The following TTC21B variants were observed in gnomAD, a reference collection of about 807,000 sequenced individuals.
TTC21B encodes tetratricopeptide repeat protein 21B.
In TTC21B, 127 loss-of-function variants were observed where a neutral mutation model predicts 175.1. That is an observed-to-expected ratio of 0.73 (90% CI 0.63 to 0.84). TTC21B has a LOEUF of 0.84. TTC21B is among the 40% of genes least tolerant of loss of function. The probability of loss-of-function intolerance (pLI) is 0.00; values close to 1 mark genes in which losing one functional copy is unlikely to be tolerated. For synonymous variants in TTC21B, 524 were observed against 524.5 expected, an observed-to-expected ratio of 1.00 and a Z score of 0.01; for missense variants, 1,561 against 1,558.3, an observed-to-expected ratio of 1.00 and a Z score of -0.03.
In TTC21B at chr2:165,884,013, C is replaced by G. The variant is rs777874526; in HGVS notation, c.3465G>C (p.Glu1155Asp). 8 of 1,613,760 alleles carry G rather than the reference C, an allele frequency of 5.0e-6. No individual in the cohort carries two copies. In the African/African-American group the frequency reaches 6.7e-5, roughly 13 times the overall value. Residue 1155 changes from glutamate (E) to aspartate (D), a missense_variant, in exon 26 of 29, where the codon GAG (glutamate) becomes GAC (aspartate). Physicochemically the swap from Glu to Asp is conservative, Grantham distance 45. Transcript: ENST00000243344. The stretch of plus-strand genomic sequence containing the variant: ...CCATTCCCAAGAGCGCTGGGATATG[C>G]TCCTTCTATAAGAAAACAAAATTTT... ...TFTEIAASEKEHIPALLGMAT... is the reference protein window; with the variant it reads ...TFTEIAASEKDHIPALLGMAT...
At chr2:165,946,212 A>G (rs940319424) in intron 3 of TTC21B, among the ~76,000 whole-genome samples, 3 of 151,084 alleles carry the variant, frequency 2.0e-5, no homozygotes, top group Non-Finnish European at 2.9e-5. Context: ...GATAGCGTGC[A>G]CCTGTAGTCC....
At chr2:165,879,049 C>T (rs553316478) in intron 27 of TTC21B, among the ~76,000 whole-genome samples, 28 of 152,156 alleles carry the variant, frequency 1.8e-4, no homozygotes, top group African/African-American at 6.3e-4. Context: ...TGGCCAGGCA[C>T]ATTGAGGGTG....
chr2:165,953,678 C>G lies in TTC21B; in HGVS notation c.21+7G>C. 1 of 1,548,592 alleles carries G rather than the reference C, an allele frequency of 6.5e-7. No homozygotes were observed. The highest frequency in any genetic ancestry group is 8.7e-7 in the Non-Finnish European group (1 of 1,146,596). On this transcript the variant is annotated splice_region_variant and intron_variant, in intron 1 of 28. Transcript: ENST00000243344. ...CCGCTCACCCGCTCACCCGCTCACC[C>G]GCTCACCTTCAATTCCTGCGAGTCC...
Position 165,900,889 on chromosome 2 carries a change from GTTC to G in TTC21B, c.2757+830_2757+832del, listed in dbSNP as rs1035916653. 4.4e-4 allele frequency among the ~76,000 whole-genome samples: 65 copies of G among 148,944 alleles called. 2 individuals are homozygous for G. Among genetic ancestry groups the G allele is most frequent in the East Asian group, 2.2e-3 (11 of 5,076 alleles). ...ATTATAGTTTTTAAATAATTGTAAT[GTTC>G]TTTTTTCTTTTCTTTTTTTTTTTTT... On this transcript the variant is annotated intron_variant, in intron 20 of 28. Coordinates refer to ENST00000243344, the MANE Select transcript of TTC21B (RefSeq NM_024753.5).
At chr2:165,946,064 G>A (rs992803517) in intron 3 of TTC21B, among the ~76,000 whole-genome samples, 1 of 151,686 alleles carries the variant, frequency 6.6e-6, no homozygotes, top group African/African-American at 2.4e-5. Flanking sequence ...AGTGGCTCAC[G>A]CCTGCAATCG....
chr2:165,927,044 G>A (rs1460181291), intron 11 of TTC21B, among the ~76,000 whole-genome samples: 2 of 88,466 alleles, frequency 2.3e-5, no homozygotes, highest in African/African-American at 1.0e-4. Context: ...ATATATATAT[G>A]TGTATATATA....
chr2:165,945,380 A>T (rs986990342), intron 4 of TTC21B, 144 bp downstream of exon 4: 2 of 764,108 alleles, frequency 2.6e-6, no homozygotes, highest in Admixed American at 2.3e-5. Flanking sequence ...ATTGATAACC[A>T]TAAATGGGTT....
intron 16 of TTC21B, among the ~76,000 whole-genome samples, chr2:165,912,927 T>G (rs546127854): frequency 1.3e-5 from 2 of 152,184 alleles, no homozygotes. Context: ...AAACTGCCAG[T>G]TATAGAGGGC....
At chr2:165,880,459 A>G (rs1180706442) in intron 27 of TTC21B, among the ~76,000 whole-genome samples, 2 of 152,216 alleles carry the variant, frequency 1.3e-5, no homozygotes, top group Non-Finnish European at 2.9e-5. Flanking sequence ...GACTAGATGT[A>G]CACTAAGTGA....
chr2:165,953,655 GCTCACCCGCTCA>G lies in TTC21B; in HGVS notation c.21+18_21+29del, dbSNP rs1687832484. On this transcript the variant is annotated intron_variant, in intron 1 of 28. Transcript: ENST00000243344. ...GCAAAGGAACTCCGCCCGCCCGCCC[GCTCACCCGCTCA>G]CCCGCTCACCCGCTCACCTTCAATT... 3.6e-6 allele frequency: 5 copies of G among 1,384,948 alleles called. No homozygotes were observed. In the East Asian group the frequency reaches 1.4e-4, roughly 39 times the overall value. The allele number at this position is 1,384,948 out of a possible 1,614,324, so 85.8% of individuals were successfully genotyped here.
At chr2:165,913,379 A>T (rs567175811) in intron 16 of TTC21B, among the ~76,000 whole-genome samples, 195 bp downstream of exon 16, 2 of 152,192 alleles carry the variant, frequency 1.3e-5, no homozygotes, top group Non-Finnish European at 2.9e-5. Context: ...CAACTTTAAA[A>T]ATAGAATCCA....
intron 17 of TTC21B, 73 bp from the exon 18 acceptor site, chr2:165,911,538 T>A: frequency 2.6e-6 from 4 of 1,562,638 alleles, no homozygotes; most frequent in Non-Finnish European, 3.5e-6. Flanking sequence ...TTTAATACAT[T>A]ACAGACTTAA....
In TTC21B at chr2:165,941,110, C is replaced by T. The variant is rs756035689; in HGVS notation, c.627G>A (p.Pro209=). 17 of 1,613,700 alleles carry T rather than the reference C, an allele frequency of 1.1e-5. No individual in the cohort carries two copies. Among genetic ancestry groups the T allele is most frequent in the Admixed American group, 1.7e-5 (1 of 59,944 alleles). ...TCTTAACAAAAGCAGGAAGGAAGCT[C>T]GGAAAATTCACGATTATCTGGTTCA... ...ETVNQIIVNF[P]SFLPAFVKKM... is the part of the protein sequence containing the mutation. The change falls in exon 6 of 29, where the codon CCG becomes CCA. Residue 209 remains proline, a synonymous_variant. Transcript: ENST00000243344.
intron 22 of TTC21B, among the ~76,000 whole-genome samples, chr2:165,892,450 G>A (rs925977396): frequency 1.3e-5 from 2 of 152,098 alleles, no homozygotes; most frequent in East Asian, 1.9e-4. Flanking sequence ...CAGAAAAAGT[G>A]GAAAGAGCCC....
In TTC21B at chr2:165,873,961, T is replaced by C. The variant is rs1177849554; in HGVS notation, c.*794A>G. 2 of 151,934 alleles carry C rather than the reference T, an allele frequency of 1.3e-5. No homozygotes were observed. Among genetic ancestry groups the C allele is most frequent in the Non-Finnish European group, 2.9e-5 (2 of 67,982 alleles). 9.4% of individuals were successfully genotyped at this position (151,934 alleles called of 1,614,324 possible). ...ATATAAATCATCTATTTATAAAACCTTTATTAAAATATATATTTAAAATAT... is the reference window on the plus strand; with the variant it reads ...ATATAAATCATCTATTTATAAAACCCTTATTAAAATATATATTTAAAATAT... On this transcript the variant is annotated 3_prime_UTR_variant, in exon 29 of 29. Coordinates refer to ENST00000243344, the MANE Select transcript of TTC21B (RefSeq NM_024753.5).
chr2:165,929,842 C>T (rs749725839), intron 9 of TTC21B, 95 bp from the exon 10 acceptor site: 67 of 836,684 alleles, frequency 8.0e-5, no homozygotes, highest in Non-Finnish European at 1.3e-4. Flanking sequence ...ACACCCTTTC[C>T]CCCATCACAA....
chr2:165,924,820 C>G, intron 11 of TTC21B, 142 bp from the exon 12 acceptor site: 6 of 862,366 alleles, frequency 7.0e-6, no homozygotes, highest in Non-Finnish European at 1.1e-5. Flanking sequence ...TTTGTAATAC[C>G]TTTATTATGA....
intron 26 of TTC21B, among the ~76,000 whole-genome samples, chr2:165,883,269 A>T (rs1382208083): frequency 1.3e-5 from 2 of 152,190 alleles, no homozygotes; most frequent in African/African-American, 4.8e-5. Context: ...AAAGCCTTAA[A>T]TTCTAAGGAC....
Position 165,924,704 on chromosome 2 carries a change from T to C in TTC21B, c.1387-26A>G, listed in dbSNP as rs185147020. The C allele has an allele frequency of 1.2e-5, 19 of 1,606,652 alleles. No homozygotes were observed. In the East Asian group the frequency reaches 4.1e-4, roughly 34 times the overall value. The stretch of plus-strand genomic sequence containing the variant: ...CTAAACAAAACAAATCAGCAGATCA[T>C]TTTATAAGTGTAAAAATAATATTTA... On this transcript the variant is annotated intron_variant, in intron 11 of 28. Coordinates refer to ENST00000243344, the MANE Select transcript of TTC21B (RefSeq NM_024753.5).
Sources: gnomAD v4.1 joint callset for allele counts (sites outside exome capture counted in the v4.1 genomes callset) on GRCh38, gnomAD v4.1.1 for gene constraint, MANE v1.5 for transcripts, NCBI Gene and HGNC (gene_info 2026-07-23, HGNC 2026-07-21) for gene names.